ZFP64: variants seen among roughly 807,000 people sequenced by gnomAD.
ZFP64 encodes zinc finger protein 64.
Under a neutral mutation model 51.6 loss-of-function variants are expected in ZFP64, and 14 were observed. That is an observed-to-expected ratio of 0.27 (90% CI 0.18 to 0.42). The LOEUF is 0.42. Ranked by LOEUF, ZFP64 falls within the 10% of genes least tolerant of loss-of-function variation. ZFP64 has a pLI of 1.00. For synonymous variants in ZFP64, 375 were observed against 361.4 expected (o/e 1.04, Z -0.43); for missense variants, 754 against 906.8 (o/e 0.83, Z 2.16).
At chr20:52,168,075 T>A (rs1211364385) in intron 2 of ZFP64, among the ~76,000 whole-genome samples, 1 of 152,204 alleles carries the variant, frequency 6.6e-6, no homozygotes, top group Admixed American at 6.5e-5. Flanking sequence ...CTTTGGACAT[T>A]TGGCAGGAAA....
chr20:52,097,154 A>C (rs2078997484), intron 7 of ZFP64: 1 of 785,140 alleles, frequency 1.3e-6, no homozygotes, highest in Non-Finnish European at 2.4e-6. Context: ...TATTGCTCTA[A>C]GATGACTATA....
At chr20:52,149,258 T>C (rs1033482740), downstream of ZFP64, among the ~76,000 whole-genome samples, 4 of 149,522 alleles carry the variant, frequency 2.7e-5, no homozygotes, top group Non-Finnish European at 1.5e-5. Context: ...AACTTACACT[T>C]TTGAATCTAC....
chr20:52,104,517 C>G (rs1184974577), intron 5 of ZFP64: 2 of 361,938 alleles, frequency 5.5e-6, no homozygotes, highest in South Asian at 4.1e-5. Flanking sequence ...CCAAGGCTCA[C>G]GGCCGTCCCC....
chr20:52,151,593 C>G lies in ZFP64; in HGVS notation c.*553G>C. The G allele has an allele frequency of 1.0e-6, 1 of 986,302 alleles. No individual in the cohort carries two copies. Among genetic ancestry groups the G allele is most frequent in the Non-Finnish European group, 1.2e-6 (1 of 830,584 alleles). 61.1% of individuals were successfully genotyped at this position (986,302 alleles called of 1,614,324 possible). A position where few individuals can be genotyped will look rare whatever the true frequency, so the allele number is the denominator to read the frequency against. On this transcript the variant is annotated 3_prime_UTR_variant, in exon 6 of 6. Coordinates refer to ENST00000216923, the MANE Select transcript of ZFP64 (RefSeq NM_018197.3). Reference sequence around the variant, plus strand: ...CTTAATGCATTTAATTCCAACCCCTCATTGGAATCATCTTGGTAACATTTA... The same window carrying G: ...CTTAATGCATTTAATTCCAACCCCTGATTGGAATCATCTTGGTAACATTTA...
In ZFP64 at chr20:52,187,014, A is replaced by G. The variant is rs764723738; in HGVS notation, c.104T>C (p.Ile35Thr). Reference protein sequence around the residue: ...ELTPDIHICGICKQQFNNLDA... With the variant: ...ELTPDIHICGTCKQQFNNLDA... ...CAGGTTGTTAAACTGCTGCTTGCAGATGCCGCAGATATGGATGTCGGGAGT... is the reference window on the plus strand; with the variant it reads ...CAGGTTGTTAAACTGCTGCTTGCAGGTGCCGCAGATATGGATGTCGGGAGT... The change falls in exon 2 of 6, where the codon ATC becomes ACC. Residue 35 changes from isoleucine to threonine, a missense_variant. Transcript: ENST00000216923. 1.2e-6 allele frequency: 2 copies of G among 1,613,756 alleles called. No homozygotes were observed. Among genetic ancestry groups the G allele is most frequent in the South Asian group, 1.1e-5 (1 of 91,082 alleles).
chr20:52,181,999 A>G (rs950488255), intron 2 of ZFP64, among the ~76,000 whole-genome samples: 1 of 152,234 alleles, frequency 6.6e-6, no homozygotes, highest in Non-Finnish European at 1.5e-5. Flanking sequence ...CAAGCTGCAG[A>G]TCTCACCATC....
intron 6 of ZFP64, among the ~76,000 whole-genome samples, chr20:52,097,599 C>T (rs897274566): frequency 9.2e-5 from 14 of 151,886 alleles, no homozygotes; most frequent in South Asian, 2.1e-4. Context: ...GGATTACAGG[C>T]GCCTGCCACC....
At chr20:52,147,334 A>G (rs2122933263), downstream of ZFP64, among the ~76,000 whole-genome samples, 1 of 152,188 alleles carries the variant, frequency 6.6e-6, no homozygotes, top group East Asian at 1.9e-4. Flanking sequence ...ACTGGAGTGG[A>G]AGAAAATGAC....
intron 2 of ZFP64, among the ~76,000 whole-genome samples, chr20:52,175,622 A>T (rs1983128558): frequency 6.6e-6 from 1 of 152,140 alleles, no homozygotes; most frequent in African/African-American, 2.4e-5. Flanking sequence ...AGGCGGTCGG[A>T]TCCCTTGAGG....
chr20:52,096,013 G>A (rs2078984788), intron 7 of ZFP64, among the ~76,000 whole-genome samples: 1 of 152,204 alleles, frequency 6.6e-6, no homozygotes, highest in Admixed American at 6.5e-5. Flanking sequence ...CTTCCAAGGT[G>A]AAGATCAAAC....
chr20:52,167,156 C>T (rs898187477), intron 2 of ZFP64, among the ~76,000 whole-genome samples: 2 of 151,902 alleles, frequency 1.3e-5, no homozygotes, highest in Non-Finnish European at 2.9e-5. Context: ...GAAACCCCAT[C>T]TCTACTAAAA....
intron 7 of ZFP64, among the ~76,000 whole-genome samples, chr20:52,093,853 G>A (rs975702494): frequency 2.0e-5 from 3 of 152,182 alleles, no homozygotes; most frequent in South Asian, 2.1e-4. Context: ...GATCTACCAA[G>A]CTCCCAGCTG....
intron 8 of ZFP64, among the ~76,000 whole-genome samples, chr20:52,087,252 T>G (rs1451781813): frequency 6.6e-6 from 1 of 152,224 alleles, no homozygotes; most frequent in Non-Finnish European, 1.5e-5. Flanking sequence ...CATTTGATTT[T>G]CTATTTTCAC....
At chr20:52,119,531 AAAATAT>A (rs1279366971) in intron 5 of ZFP64, among the ~76,000 whole-genome samples, 46 of 65,184 alleles carry the variant, frequency 7.1e-4, no homozygotes, top group Admixed American at 1.6e-3. Flanking sequence ...AAAAAAAAAA[AAAATAT>A]ATATATATAT....
At chr20:52,120,274 T>C (rs979903942) in intron 5 of ZFP64, among the ~76,000 whole-genome samples, 1 of 152,140 alleles carries the variant, frequency 6.6e-6, no homozygotes, top group Admixed American at 6.6e-5. Context: ...CACTTTGTTA[T>C]AGCAGTTAGA....
chr20:52,165,755 T>C lies in ZFP64; in HGVS notation c.448+109A>G, dbSNP rs115981956. 3,556 of 1,431,188 alleles carry C rather than the reference T, an allele frequency of 2.5e-3. 41 individuals carry two copies. Among genetic ancestry groups the C allele is most frequent in the East Asian group, 0.02 (876 of 43,944 alleles). 88.7% of individuals were successfully genotyped at this position (1,431,188 alleles called of 1,614,324 possible). On this transcript the variant is annotated intron_variant, in intron 3 of 5. Transcript: ENST00000216923. The stretch of plus-strand genomic sequence containing the variant: ...AGGGGGCTCTGATTTTTATGCCAGG[T>C]AGTTTGGAACACATCCATGAGCAGT...
rs1984367401 is a variant in ZFP64 at position 52,191,497 on chromosome 20, G to A, written c.46+94C>T. The A allele has an allele frequency of 2.2e-6, 3 of 1,372,044 alleles. No individual in the cohort carries two copies. The highest frequency in any genetic ancestry group is 3.1e-5 in the African/African-American group (2 of 65,354). The allele number at this position is 1,372,044 out of a possible 1,614,324, so 85.0% of individuals were successfully genotyped here. A position where few individuals can be genotyped will look rare whatever the true frequency, so the allele number is the denominator to read the frequency against. On this transcript the variant is annotated intron_variant, in intron 1 of 5. Transcript: ENST00000216923. This position sits in a 1 kb window ranked among gnomAD's most constrained non-coding sequence, Gnocchi z 4.3. ...GCCGTCACCCCGATTTCGGGGCCCC[G>A]GGCCTGCTGGCTGCGTCGCAGACGT...
chr20:52,121,094 C>A (rs990749405), intron 5 of ZFP64, among the ~76,000 whole-genome samples: 2 of 152,184 alleles, frequency 1.3e-5, no homozygotes, highest in Admixed American at 6.5e-5. Context: ...GCTCCACTGA[C>A]CAGCCAGTCC....
intron 5 of ZFP64, among the ~76,000 whole-genome samples, chr20:52,144,646 T>C (rs1420329644): frequency 1.1e-5 from 1 of 92,360 alleles, no homozygotes; most frequent in Non-Finnish European, 2.3e-5. Context: ...GGTAGAGAAA[T>C]AAATAAAAGC....
Sources: gnomAD v4.1 joint callset for allele counts (sites outside exome capture counted in the v4.1 genomes callset) on GRCh38, gnomAD v4.1.1 for gene constraint, Gnocchi (gnomAD v3.1) non-coding constraint, MANE v1.5 for transcripts, NCBI Gene and HGNC (gene_info 2026-07-23, HGNC 2026-07-21) for gene names.